Variants in QTMAN observed in about 807,000 individuals in gnomAD.
The protein encoded by QTMAN is queuosine-tRNA mannosyltransferase.
chr2:144,069,098 A>C, the QTMAN span, among the ~76,000 whole-genome samples: 4 of 152,120 alleles, frequency 2.6e-5, no homozygotes, highest in Admixed American at 1.3e-4. Flanking sequence ...ACCACAGTTT[A>C]AGTATAGAAA....
At chr2:144,124,263 C>T in the QTMAN span, among the ~76,000 whole-genome samples, 5 of 152,072 alleles carry the variant, frequency 3.3e-5, no homozygotes, top group East Asian at 1.9e-4. Context: ...TAAGAACACA[C>T]GCTTTGAAGC....
the QTMAN span, among the ~76,000 whole-genome samples, chr2:144,015,625 C>CT: frequency 6.6e-6 from 1 of 152,192 alleles, no homozygotes; most frequent in African/African-American, 2.4e-5. Flanking sequence ...TGCATTATAC[C>CT]TTTCAACAGA....
the QTMAN span, among the ~76,000 whole-genome samples, chr2:144,042,633 G>C: frequency 6.6e-6 from 1 of 151,732 alleles, no homozygotes; most frequent in Non-Finnish European, 1.5e-5. Flanking sequence ...GGTGGTACAC[G>C]CCTGTAATCA....
chr2:144,279,246 A>C, the QTMAN span, among the ~76,000 whole-genome samples: 3 of 152,146 alleles, frequency 2.0e-5, no homozygotes, highest in Non-Finnish European at 4.4e-5. Context: ...TAACTTCAGC[A>C]GTCCAGGCAG....
chr2:144,229,946 AG>A, the QTMAN span, among the ~76,000 whole-genome samples: 2 of 152,208 alleles, frequency 1.3e-5, no homozygotes, highest in African/African-American at 4.8e-5. Context: ...TAATAACTAT[AG>A]TCACATAACA....
the QTMAN span, among the ~76,000 whole-genome samples, chr2:144,175,172 T>C: frequency 6.6e-6 from 1 of 151,866 alleles, no homozygotes; most frequent in Admixed American, 6.6e-5. Flanking sequence ...AAAAAATATA[T>C]GAAAGATAAT....
chr2:144,142,152 C>T, the QTMAN span: 1 of 759,264 alleles, frequency 1.3e-6, no homozygotes, highest in African/African-American at 1.8e-5. Context: ...AGAGTTTATA[C>T]TACACCTTAG....
At chr2:144,178,045 G>A in the QTMAN span, among the ~76,000 whole-genome samples, 457 of 152,250 alleles carry the variant, frequency 3.0e-3, 2 homozygotes, top group African/African-American at 0.01. Flanking sequence ...CACAAAGGTA[G>A]GGAACAGGGC....
the QTMAN span, among the ~76,000 whole-genome samples, chr2:144,253,690 T>C: frequency 6.6e-6 from 1 of 151,594 alleles, no homozygotes; most frequent in African/African-American, 2.4e-5. Flanking sequence ...AAGAAATTTC[T>C]AAGCACCAAA....
At chr2:144,179,686 T>A in the QTMAN span, among the ~76,000 whole-genome samples, 1 of 152,136 alleles carries the variant, frequency 6.6e-6, no homozygotes, top group Non-Finnish European at 1.5e-5. Context: ...TAAGATCCAC[T>A]AGACAAGAGT....
At chr2:143,992,518 C>G in the QTMAN span, among the ~76,000 whole-genome samples, 1 of 149,944 alleles carries the variant, frequency 6.7e-6, no homozygotes, top group South Asian at 2.1e-4. Context: ...GAGAAACACC[C>G]AAGAATGATC....
At chr2:143,948,141 G>C in the QTMAN span, among the ~76,000 whole-genome samples, 23 of 152,160 alleles carry the variant, frequency 1.5e-4, no homozygotes, top group African/African-American at 5.3e-4. Context: ...AAGGTGACCA[G>C]TTTCTTGAAG....
chr2:144,258,661 A>G, the QTMAN span, among the ~76,000 whole-genome samples: 1 of 152,230 alleles, frequency 6.6e-6, no homozygotes, highest in Non-Finnish European at 1.5e-5. Flanking sequence ...AGCTCTTCTT[A>G]AGAAGTGTAT....
At chr2:143,970,654 TG>T in the QTMAN span, 2 of 1,516,536 alleles carry the variant, frequency 1.3e-6, no homozygotes, top group Non-Finnish European at 1.8e-6. Context: ...CAGAGGTACC[TG>T]GGACATCTGT....
the QTMAN span, among the ~76,000 whole-genome samples, chr2:144,184,386 T>C: frequency 6.6e-6 from 1 of 152,184 alleles, no homozygotes; most frequent in Non-Finnish European, 1.5e-5. Flanking sequence ...TAGCAAATGC[T>C]ACAATATTTG....
the QTMAN span, among the ~76,000 whole-genome samples, chr2:143,979,400 T>C: frequency 6.6e-6 from 1 of 152,226 alleles, no homozygotes; most frequent in Non-Finnish European, 1.5e-5. Context: ...CGTGAATCTA[T>C]AATTATTTAA....
chr2:143,984,534 C>G, the QTMAN span, among the ~76,000 whole-genome samples: 7 of 152,184 alleles, frequency 4.6e-5, no homozygotes, highest in Non-Finnish European at 8.8e-5. Context: ...CAGGGAAATA[C>G]TGGGTAGAAT....
At chr2:144,076,748 T>C in the QTMAN span, among the ~76,000 whole-genome samples, 1 of 152,182 alleles carries the variant, frequency 6.6e-6, no homozygotes, top group Non-Finnish European at 1.5e-5. Flanking sequence ...TCCTAAACTT[T>C]ATACAAGTTA....
At chr2:144,237,573 T>C in the QTMAN span, among the ~76,000 whole-genome samples, 2 of 152,334 alleles carry the variant, frequency 1.3e-5, no homozygotes, top group Admixed American at 1.3e-4. Flanking sequence ...AACCACGTTC[T>C]ATCCAAATTC....
Sources: allele counts gnomAD v4.1 joint callset (sites outside exome capture counted in the v4.1 genomes callset), GRCh38; gene constraint gnomAD v4.1.1; transcripts MANE v1.5; gene names NCBI Gene and HGNC (gene_info 2026-07-23, HGNC 2026-07-21).